CLEC16A: variants seen among roughly 807,000 people sequenced by gnomAD.
CLEC16A encodes C-type lectin domain containing 16A.
CLEC16A carries 51 observed loss-of-function variants against 109.5 expected under a neutral mutation model. The ratio of observed to expected loss-of-function variants is 0.47; its 90% CI spans 0.37 to 0.59. The LOEUF (loss-of-function observed/expected upper bound fraction) is 0.59. Ranked by LOEUF, CLEC16A falls within the 20% of genes least tolerant of loss-of-function variation. The pLI, the probability that CLEC16A is intolerant of heterozygous loss-of-function variation, is 0.00. For missense variants in CLEC16A, 1,339 were observed against 1,394.0 expected (o/e 0.96, Z 0.63); for synonymous variants, 673 against 564.2 (o/e 1.19, Z -2.73).
chr16:11,134,978 C>A (rs939204250), intron 22 of CLEC16A, among the ~76,000 whole-genome samples: 1 of 152,250 alleles, frequency 6.6e-6, no homozygotes, highest in African/African-American at 2.4e-5. Context: ...AAGCAGCAAT[C>A]CAGAAAGATG....
chr16:11,057,410 A>C (rs934659634), intron 18 of CLEC16A, among the ~76,000 whole-genome samples: 3 of 152,206 alleles, frequency 2.0e-5, no homozygotes, highest in African/African-American at 7.2e-5. Context: ...TCCAGAACAC[A>C]AGCCTGGGCT....
In CLEC16A at chr16:11,094,204, C is replaced by T. The variant is rs1456237409; in HGVS notation, c.2117-26411C>T. Among the ~76,000 whole-genome samples, 5 of 152,308 alleles carry T rather than the reference C, an allele frequency of 3.3e-5. No homozygotes were observed. The East Asian group carries it at 9.6e-4, about 29-fold the overall frequency. On this transcript the variant is annotated intron_variant, in intron 19 of 23. Coordinates refer to ENST00000409790, the MANE Select transcript of CLEC16A (RefSeq NM_015226.3). ...AGCCTGTGGCTGTCCTAATGAACCA[C>T]CTTGCTGTGTCACCTTCAGGTGACC...
intron 22 of CLEC16A, among the ~76,000 whole-genome samples, chr16:11,155,487 G>T (rs941971288): frequency 6.6e-6 from 1 of 152,222 alleles, no homozygotes; most frequent in Non-Finnish European, 1.5e-5. Flanking sequence ...CAGCCGTCCG[G>T]TTAGCCATGT....
intron 1 of CLEC16A, among the ~76,000 whole-genome samples, chr16:10,955,021 G>A (rs746930789): frequency 6.6e-6 from 1 of 152,194 alleles, no homozygotes; most frequent in Non-Finnish European, 1.5e-5. Context: ...TGCCTCTCTG[G>A]AACAACCCAG....
At chr16:11,125,936 A>G (rs2052779341) in intron 21 of CLEC16A, 43 bp from the exon 22 acceptor site, 2 of 556,304 alleles carry the variant, frequency 3.6e-6, no homozygotes, top group South Asian at 6.8e-5. Flanking sequence ...ACCCCCCTCT[A>G]TCCCACATGC....
intron 11 of CLEC16A, among the ~76,000 whole-genome samples, chr16:11,008,082 G>T (rs997837638): frequency 3.3e-5 from 5 of 152,120 alleles, no homozygotes; most frequent in Admixed American, 1.3e-4. Context: ...ACACACTCTC[G>T]GTCGTTGTCA....
intron 16 of CLEC16A, among the ~76,000 whole-genome samples, 179 bp from the exon 17 acceptor site, chr16:11,047,113 C>G (rs1334412216): frequency 6.6e-6 from 1 of 152,028 alleles, no homozygotes; most frequent in African/African-American, 2.4e-5. Flanking sequence ...GATATTTGGT[C>G]TGTCATTTGA....
rs1054231332 is a variant in CLEC16A at position 11,060,882 on chromosome 16, T to C, written c.1996-20T>C. On this transcript the variant is annotated intron_variant, in intron 18 of 23. Coordinates refer to ENST00000409790, the MANE Select transcript of CLEC16A (RefSeq NM_015226.3). The stretch of plus-strand genomic sequence containing the variant: ...ACTCTGCAATCTCACTCTTCTCTGC[T>C]CTCTGAACTGTTGGTCCAGGCCATC... The C allele has an allele frequency of 6.3e-7, 1 of 1,596,832 alleles. No homozygotes were observed. The highest frequency in any genetic ancestry group is 8.5e-7 in the Non-Finnish European group (1 of 1,170,520).
chr16:10,944,597 T>C lies in CLEC16A; in HGVS notation c.-121T>C, dbSNP rs2145507274. Reference sequence around the variant, plus strand: ...GCTGTGGGCCGGGGAGGAAGGCGGCTCGCGGTTCCTCCACCGCCTCCGCCG... The same window carrying C: ...GCTGTGGGCCGGGGAGGAAGGCGGCCCGCGGTTCCTCCACCGCCTCCGCCG... On this transcript the variant is annotated 5_prime_UTR_variant, in exon 1 of 24. Transcript: ENST00000409790. 3 of 949,194 alleles carry C rather than the reference T, an allele frequency of 3.2e-6. No individual in the cohort carries two copies. Among genetic ancestry groups the C allele is most frequent in the Middle Eastern group, 5.9e-4 (2 of 3,402 alleles). The allele number at this position is 949,194 out of a possible 1,614,324, so 58.8% of individuals were successfully genotyped here. A position where few individuals can be genotyped will look rare whatever the true frequency, so the allele number is the denominator to read the frequency against.
At chr16:11,102,950 G>A (rs1021463377) in intron 19 of CLEC16A, among the ~76,000 whole-genome samples, 1 of 152,246 alleles carries the variant, frequency 6.6e-6, no homozygotes, top group Non-Finnish European at 1.5e-5. Flanking sequence ...CACTGGTAAG[G>A]GGCAGAGCTC....
chr16:10,981,097 A>T (rs1026769400), intron 9 of CLEC16A, among the ~76,000 whole-genome samples: 2 of 152,198 alleles, frequency 1.3e-5, no homozygotes, highest in East Asian at 3.8e-4. Flanking sequence ...GTTCAGAGCC[A>T]GGGAAATGAG....
At chr16:11,067,168 G>GTT (rs796323895) in intron 19 of CLEC16A, among the ~76,000 whole-genome samples, 4 of 124,722 alleles carry the variant, frequency 3.2e-5, no homozygotes, top group African/African-American at 1.2e-4. Flanking sequence ...TTTTTTTTTG[G>GTT]TTTTTTTTTT....
intron 19 of CLEC16A, among the ~76,000 whole-genome samples, chr16:11,115,899 T>A (rs1391852446): frequency 2.6e-5 from 4 of 151,602 alleles, no homozygotes; most frequent in African/African-American, 7.3e-5. Context: ...TAAATTTTTT[T>A]AAAGACAAGG....
At chr16:10,994,830 A>C (rs1472531666) in intron 10 of CLEC16A, among the ~76,000 whole-genome samples, 1 of 152,220 alleles carries the variant, frequency 6.6e-6, no homozygotes, top group African/African-American at 2.4e-5. Context: ...TTCTCTGATT[A>C]GTGTGACGTC....
intron 16 of CLEC16A, among the ~76,000 whole-genome samples, chr16:11,045,308 A>C (rs926169263): frequency 1.1e-4 from 16 of 152,160 alleles, no homozygotes; most frequent in African/African-American, 3.6e-4. Flanking sequence ...AGATCGCGCC[A>C]CTGCACTCCA....
intron 18 of CLEC16A, among the ~76,000 whole-genome samples, chr16:11,060,622 T>C (rs2048429160): frequency 6.6e-6 from 1 of 152,280 alleles, no homozygotes; most frequent in South Asian, 2.1e-4. Context: ...CACCTGATAC[T>C]TGGGGACAAG....
intron 22 of CLEC16A, among the ~76,000 whole-genome samples, chr16:11,137,839 T>A (rs2053641914): frequency 6.6e-6 from 1 of 152,066 alleles, no homozygotes; most frequent in Admixed American, 6.6e-5. Context: ...TAAGCAGTAT[T>A]GCCGAGTGCA....
At chr16:11,137,934 T>A (rs1435149191) in intron 22 of CLEC16A, among the ~76,000 whole-genome samples, 3 of 152,180 alleles carry the variant, frequency 2.0e-5, no homozygotes, top group Non-Finnish European at 4.4e-5. Flanking sequence ...GATGCAGCAA[T>A]AATGGTGCCT....
chr16:11,100,141 T>C (rs1291063628), intron 19 of CLEC16A, among the ~76,000 whole-genome samples: 2 of 152,200 alleles, frequency 1.3e-5, no homozygotes, highest in African/African-American at 4.8e-5. Flanking sequence ...AGCTCTGAAC[T>C]TGCCTCTGTG....
Sources: gnomAD v4.1 joint callset for allele counts (sites outside exome capture counted in the v4.1 genomes callset) on GRCh38, gnomAD v4.1.1 for gene constraint, MANE v1.5 for transcripts, NCBI Gene and HGNC (gene_info 2026-07-23, HGNC 2026-07-21) for gene names.